Variants in PPME1 observed in about 807,000 individuals in gnomAD.
The protein encoded by PPME1 is protein phosphatase methylesterase 1, also known as testicular secretory protein Li 39.
Under a neutral mutation model 56.9 loss-of-function variants are expected in PPME1, and 17 were observed. The ratio of observed to expected loss-of-function variants is 0.30; its 90% CI spans 0.20 to 0.45. The LOEUF (loss-of-function observed/expected upper bound fraction) is 0.45, where lower values mean the gene tolerates loss of function less well. PPME1 is among the 20% of genes least tolerant of loss of function. The pLI is 1.00. For missense variants in PPME1, 357 were observed against 483.2 expected (o/e 0.74, Z 2.45); for synonymous variants, 122 against 156.2 (o/e 0.78, Z 1.63).
intron 1 of PPME1, among the ~76,000 whole-genome samples, chr11:74,195,827 T>C (rs59864588): frequency 0.031 from 4,695 of 152,314 alleles, 222 homozygotes; most frequent in African/African-American, 0.1. Flanking sequence ...TTATGGGCTG[T>C]TTGTGTTTCC....
intron 8 of PPME1, 107 bp downstream of exon 8, chr11:74,236,073 C>T (rs1859183064): frequency 6.8e-7 from 1 of 1,472,744 alleles, no homozygotes; most frequent in Admixed American, 2.4e-5. Context: ...CGGTAAATGC[C>T]TTTATTATTT....
At position 74,251,733 on chromosome 11, in the gene PPME1, G is replaced by A. The variant is rs982870126; in HGVS notation, c.1142+18G>A. ...TTCCAGTGGTAAGGCGGGTACAAGG[G>A]TTTAAGAACCCAGCAGTGCTGGCCG... On this transcript the variant is annotated intron_variant, in intron 13 of 13. Transcript: ENST00000328257. 1 of 1,613,848 alleles carries A rather than the reference G, an allele frequency of 6.2e-7. No individual in the cohort carries two copies. The highest frequency in any genetic ancestry group is 1.1e-5 in the South Asian group (1 of 91,078).
At chr11:74,252,362 A>G in intron 13 of PPME1, 3 of 444,464 alleles carry the variant, frequency 6.7e-6, no homozygotes, top group Non-Finnish European at 1.3e-5. Context: ...TGTTGGGATT[A>G]TAGGGATTAT....
intron 5 of PPME1, among the ~76,000 whole-genome samples, chr11:74,229,081 T>C (rs1859002044): frequency 6.6e-6 from 1 of 152,198 alleles, no homozygotes; most frequent in Admixed American, 6.5e-5. Flanking sequence ...TTGCCGAGGC[T>C]ACCCTATTCA....
intron 3 of PPME1, among the ~76,000 whole-genome samples, chr11:74,220,418 A>G (rs1858768692): frequency 6.6e-6 from 1 of 152,208 alleles, no homozygotes; most frequent in Non-Finnish European, 1.5e-5. Context: ...AATAACTTGA[A>G]TCAGAATTTC....
chr11:74,214,161 CAG>C (rs766906520), intron 3 of PPME1, among the ~76,000 whole-genome samples: 8 of 152,166 alleles, frequency 5.3e-5, no homozygotes, highest in Admixed American at 2.6e-4. Flanking sequence ...TTAAAAAGAA[CAG>C]AAATTCTGGA....
At chr11:74,220,819 G>A (rs780576041) in intron 3 of PPME1, among the ~76,000 whole-genome samples, 4 of 152,164 alleles carry the variant, frequency 2.6e-5, no homozygotes, top group Non-Finnish European at 5.9e-5. Context: ...CATTTCAGAA[G>A]TAGCAAAGTT....
intron 1 of PPME1, among the ~76,000 whole-genome samples, chr11:74,172,568 T>C (rs555324545): frequency 5.3e-5 from 8 of 152,212 alleles, no homozygotes; most frequent in Non-Finnish European, 1.0e-4. Context: ...AGAGATAGGT[T>C]TTGGAATTTT....
chr11:74,206,145 A>G (rs544356), intron 3 of PPME1, among the ~76,000 whole-genome samples: 130,435 of 152,200 alleles, frequency 0.86, 56,256 homozygotes, highest in African/African-American at 0.96. Flanking sequence ...AGATTGCAAA[A>G]TTTTTTGGAG....
intron 9 of PPME1, among the ~76,000 whole-genome samples, chr11:74,241,042 AT>A (rs934751804): frequency 6.6e-6 from 1 of 152,058 alleles, no homozygotes; most frequent in African/African-American, 2.4e-5. Context: ...TTTTCTTTGT[AT>A]TTTTTTATAA....
chr11:74,193,459 C>T (rs1249062602), intron 1 of PPME1, among the ~76,000 whole-genome samples: 2 of 152,198 alleles, frequency 1.3e-5, no homozygotes, highest in Middle Eastern at 3.2e-3. Context: ...TGTGTATATG[C>T]AGATAATCCA....
intron 1 of PPME1, among the ~76,000 whole-genome samples, chr11:74,201,281 C>CTTTTTTG (rs1285909189): frequency 1.3e-5 from 2 of 152,022 alleles, no homozygotes; most frequent in African/African-American, 4.8e-5. Flanking sequence ...GGCTACAGGC[C>CTTTTTTG]TTTTTTGTTT....
At chr11:74,210,885 G>A (rs1858455644) in intron 3 of PPME1, among the ~76,000 whole-genome samples, 1 of 152,140 alleles carries the variant, frequency 6.6e-6, no homozygotes, top group Non-Finnish European at 1.5e-5. Flanking sequence ...TTATACTGGA[G>A]TTTCTAGTCA....
At chr11:74,243,180 A>G (rs1467539477) in intron 9 of PPME1, among the ~76,000 whole-genome samples, 1 of 152,076 alleles carries the variant, frequency 6.6e-6, no homozygotes, top group Non-Finnish European at 1.5e-5. Context: ...AGCCTGCTTT[A>G]TTACCATTTT....
Position 74,203,709 on chromosome 11 carries a change from C to T in PPME1, c.102-19C>T, listed in dbSNP as rs774408540. On this transcript the variant is annotated intron_variant, in intron 1 of 13. Transcript: ENST00000328257. ...TATGCATAATTTTTCTGAAATGTCT[C>T]TCTCTTTTTTTTCCTCAGCCCTGGA... The T allele has an allele frequency of 1.3e-6, 2 of 1,590,014 alleles. No homozygotes were observed. The highest frequency in any genetic ancestry group is 1.4e-5 in the African/African-American group (1 of 73,880).
At chr11:74,246,376 C>T (rs1178552058) in intron 10 of PPME1, among the ~76,000 whole-genome samples, 171 bp downstream of exon 10, 2 of 152,204 alleles carry the variant, frequency 1.3e-5, no homozygotes, top group African/African-American at 4.8e-5. Context: ...CCTGGCTTGC[C>T]TTCTCTCTGT....
At chr11:74,210,868 T>A (rs931402165) in intron 3 of PPME1, among the ~76,000 whole-genome samples, 2 of 152,342 alleles carry the variant, frequency 1.3e-5, no homozygotes, top group African/African-American at 4.8e-5. Context: ...GGGTGCAATT[T>A]TCAGTGTTAT....
chr11:74,179,367 A>G (rs1857475648), intron 1 of PPME1, among the ~76,000 whole-genome samples: 1 of 152,142 alleles, frequency 6.6e-6, no homozygotes, highest in Non-Finnish European at 1.5e-5. Flanking sequence ...GGTGGTGCGC[A>G]CCTGTTAGTC....
intron 12 of PPME1, chr11:74,251,406 G>A: frequency 7.3e-7 from 1 of 1,372,026 alleles, no homozygotes; most frequent in Non-Finnish European, 9.4e-7. Flanking sequence ...AACTCTGAGG[G>A]CACACATAAG....
Sources: gnomAD v4.1 joint callset for allele counts (sites outside exome capture counted in the v4.1 genomes callset) on GRCh38, gnomAD v4.1.1 for gene constraint, MANE v1.5 for transcripts, NCBI Gene and HGNC (gene_info 2026-07-23, HGNC 2026-07-21) for gene names.